Variants in ANK2 observed in about 807,000 individuals in gnomAD.
ANK2 encodes the protein ankyrin 2, also known as ankyrin-2.
Under a neutral mutation model 360.5 loss-of-function variants are expected in ANK2, and 83 were observed. The observed-to-expected ratio is 0.23, with a 90% CI of 0.19 to 0.28. The LOEUF (loss-of-function observed/expected upper bound fraction) is 0.28. Ranked by LOEUF, ANK2 falls within the 10% of genes least tolerant of loss-of-function variation. ANK2 has a pLI of 1.00. For synonymous variants in ANK2, 1,740 were observed against 1,759.5 expected, an observed-to-expected ratio of 0.99 and a Z score of 0.28; for missense variants, 4,201 against 4,795.7, an observed-to-expected ratio of 0.88 and a Z score of 3.66.
chr4:112,967,665 T>TA (rs1299017961), intron 2 of ANK2, among the ~76,000 whole-genome samples: 6 of 152,184 alleles, frequency 3.9e-5, no homozygotes, highest in Admixed American at 3.3e-4. Flanking sequence ...ATGTCTTCTT[T>TA]AAAAAAATCC....
At chr4:113,329,572 G>A (rs1204603198) in intron 26 of ANK2, among the ~76,000 whole-genome samples, 1 of 152,144 alleles carries the variant, frequency 6.6e-6, no homozygotes, top group Non-Finnish European at 1.5e-5. Context: ...CAAAAATGGT[G>A]TATGGGCGGG....
intron 1 of ANK2, among the ~76,000 whole-genome samples, chr4:113,053,812 G>A (rs2068264036): frequency 6.6e-6 from 1 of 152,046 alleles, no homozygotes; most frequent in Non-Finnish European, 1.5e-5. Flanking sequence ...AACCCAGGCT[G>A]GTCTTGAACT....
intron 2 of ANK2, chr4:112,980,117 T>C (rs1002909053): frequency 6.6e-6 from 1 of 152,202 alleles, no homozygotes; most frequent in African/African-American, 2.4e-5. Context: ...TGGCCCCTCT[T>C]CCACACTCGT....
intron 1 of ANK2, chr4:112,880,426 T>C (rs967514382): frequency 6.6e-6 from 1 of 152,214 alleles, no homozygotes; most frequent in Non-Finnish European, 1.5e-5. Flanking sequence ...TTGGAACTAG[T>C]AGTACCTGCG....
chr4:113,336,869 G>A, intron 31 of ANK2, 88 bp downstream of exon 31: 1 of 1,262,424 alleles, frequency 7.9e-7, no homozygotes, highest in Non-Finnish European at 1.2e-6. Context: ...GTCATAAGAT[G>A]TCTGCAGGGT....
intron 1 of ANK2, among the ~76,000 whole-genome samples, chr4:113,053,439 T>C (rs1188730101): frequency 6.6e-6 from 1 of 152,198 alleles, no homozygotes; most frequent in Non-Finnish European, 1.5e-5. Context: ...AGATTTGGGA[T>C]TGATGTTCTA....
At position 113,343,002 on chromosome 4, in the gene ANK2, T is replaced by C. The variant is rs2153983073; in HGVS notation, c.4123-15T>C. The C allele has an allele frequency of 1.2e-6, 2 of 1,613,794 alleles. No homozygotes were observed. The highest frequency in any genetic ancestry group is 1.7e-6 in the Non-Finnish European group (2 of 1,179,880). ...TGCAGCTACTTTATTGTTATTTCTCTCTGTTTTCACTCAGGTGTTAGAAGG... is the reference window on the plus strand; with the variant it reads ...TGCAGCTACTTTATTGTTATTTCTCCCTGTTTTCACTCAGGTGTTAGAAGG... On this transcript the variant is annotated splice_polypyrimidine_tract_variant and intron_variant, in intron 33 of 45. Transcript: ENST00000357077.
the ANK2 span, among the ~76,000 whole-genome samples, chr4:112,766,881 T>C: frequency 1.3e-5 from 2 of 152,166 alleles, no homozygotes; most frequent in Non-Finnish European, 2.9e-5. Flanking sequence ...GAAGAGGGAA[T>C]GGATGCTGAG....
chr4:113,149,996 A>G (rs2096993076), intron 1 of ANK2, among the ~76,000 whole-genome samples: 1 of 151,902 alleles, frequency 6.6e-6, no homozygotes, highest in African/African-American at 2.4e-5. Context: ...TCAATTAACT[A>G]TAAAAGGTAG....
chr4:113,348,038 T>C (rs2095062069), intron 35 of ANK2: 1 of 546,066 alleles, frequency 1.8e-6, no homozygotes. Flanking sequence ...CTGGAATTAG[T>C]ATATTTATAA....
At chr4:113,138,464 G>T (rs987690085) in intron 1 of ANK2, among the ~76,000 whole-genome samples, 3 of 152,080 alleles carry the variant, frequency 2.0e-5, no homozygotes, top group African/African-American at 4.8e-5. Context: ...GGTTTAATTG[G>T]TAATTCTAAA....
chr4:112,890,976 G>T (rs2079868375), intron 1 of ANK2, among the ~76,000 whole-genome samples: 2 of 152,148 alleles, frequency 1.3e-5, no homozygotes, highest in Non-Finnish European at 2.9e-5. Context: ...TAGTGTGCAG[G>T]CCAAGGGAAA....
At position 113,286,798 on chromosome 4, in the gene ANK2, C is replaced by A. The variant is rs933149688; in HGVS notation, c.2080-807C>A. Among the ~76,000 whole-genome samples, 7 of 152,212 alleles carry A rather than the reference C, an allele frequency of 4.6e-5. No homozygotes were observed. In the East Asian group the frequency reaches 1.4e-3, roughly 29 times the overall value. On this transcript the variant is annotated intron_variant, in intron 18 of 45. Coordinates refer to ENST00000357077, the MANE Select transcript of ANK2 (RefSeq NM_001148.6). ...AATGTAAGCTCCATAAAGACAGAAA[C>A]TTTTGTTCACTGCTGTATTCAAGTG...
At chr4:113,118,496 G>A (rs538265971) in intron 1 of ANK2, among the ~76,000 whole-genome samples, 1 of 152,006 alleles carries the variant, frequency 6.6e-6, no homozygotes, top group Non-Finnish European at 1.5e-5. Context: ...AACCAACATT[G>A]AGTTGAGATC....
chr4:113,120,510 C>G (rs1355119702), intron 1 of ANK2, among the ~76,000 whole-genome samples: 1 of 152,034 alleles, frequency 6.6e-6, no homozygotes, highest in Non-Finnish European at 1.5e-5. Flanking sequence ...CCCAACTGTA[C>G]GTTTTTTAAA....
chr4:113,351,584 T>C (rs2095417514), intron 37 of ANK2, among the ~76,000 whole-genome samples: 1 of 152,176 alleles, frequency 6.6e-6, no homozygotes, highest in Non-Finnish European at 1.5e-5. Context: ...GATTCCTTTT[T>C]TTAAGTGATT....
the ANK2 span, among the ~76,000 whole-genome samples, chr4:112,724,230 A>T: frequency 6.6e-6 from 1 of 151,800 alleles, no homozygotes; most frequent in Non-Finnish European, 1.5e-5. Flanking sequence ...ATGCCTGGTT[A>T]ATTTTTGTAT....
intron 2 of ANK2, among the ~76,000 whole-genome samples, chr4:112,910,496 T>C (rs1235800769): frequency 6.6e-6 from 1 of 152,190 alleles, no homozygotes; most frequent in Non-Finnish European, 1.5e-5. Context: ...CAAATGTGTG[T>C]TTCATTGCAC....
At chr4:112,995,498 CTG>C (rs1311807084) in intron 2 of ANK2, among the ~76,000 whole-genome samples, 1 of 152,038 alleles carries the variant, frequency 6.6e-6, no homozygotes, top group Non-Finnish European at 1.5e-5. Flanking sequence ...TATTAGACCT[CTG>C]TCAGATGCAT....
Sources: gnomAD v4.1 joint callset for allele counts (sites outside exome capture counted in the v4.1 genomes callset) on GRCh38, gnomAD v4.1.1 for gene constraint, MANE v1.5 for transcripts, NCBI Gene and HGNC (gene_info 2026-07-23, HGNC 2026-07-21) for gene names.